The following AFF2 variants were observed in gnomAD, a reference collection of about 807,000 sequenced individuals.
AFF2 encodes AF4/FMR2 family member 2.
A neutral mutation model predicts 76.9 loss-of-function variants in AFF2; 14 were observed. That is an observed-to-expected ratio of 0.18 (90% CI 0.12 to 0.28). AFF2 has a LOEUF of 0.28. Among genes scored for constraint, AFF2 ranks in the 10% least tolerant of loss-of-function variants. The probability of loss-of-function intolerance (pLI) is 1.00; values close to 1 mark genes in which losing one functional copy is unlikely to be tolerated. For synonymous variants in AFF2, 398 were observed against 366.7 expected (o/e 1.09, Z -0.98); for missense variants, 868 against 1,001.1 (o/e 0.87, Z 1.79).
chrX:148,721,135 C>G (rs1259936850), intron 3 of AFF2, among the ~76,000 whole-genome samples: 1 of 112,019 alleles, frequency 8.9e-6, no homozygotes, highest in African/African-American at 3.2e-5. Context: ...GGGCAACTTT[C>G]TTTTGGGTGT....
At chrX:148,750,351 G>A (rs1225461881) in intron 3 of AFF2, among the ~76,000 whole-genome samples, 4 of 111,110 alleles carry the variant, frequency 3.6e-5, no homozygotes, top group Non-Finnish European at 5.7e-5. Context: ...TATTTTCTGG[G>A]GGGAATAGCA....
At chrX:148,816,705 T>C (rs2070268786) in intron 4 of AFF2, among the ~76,000 whole-genome samples, 1 of 110,558 alleles carries the variant, frequency 9.0e-6, no homozygotes, top group African/African-American at 3.3e-5. Context: ...AGGCACTTTG[T>C]TAGTGAGGCA....
intron 1 of AFF2, among the ~76,000 whole-genome samples, chrX:148,549,689 C>A (rs181541643): frequency 9.0e-5 from 10 of 111,683 alleles, no homozygotes; most frequent in Admixed American, 8.6e-4. Flanking sequence ...CAATCACAGA[C>A]TTCATTAGTG....
At chrX:148,963,369 C>A (rs1429957646) in intron 13 of AFF2, among the ~76,000 whole-genome samples, 1 of 111,729 alleles carries the variant, frequency 9.0e-6, no homozygotes, top group South Asian at 3.8e-4. Context: ...ATCTAGGAGA[C>A]TTTGTGGCAT....
At chrX:148,913,475 A>T (rs1404100278) in intron 9 of AFF2, among the ~76,000 whole-genome samples, 1 of 112,097 alleles carries the variant, frequency 8.9e-6, no homozygotes, top group Non-Finnish European at 1.9e-5. Flanking sequence ...AAAACTTCAA[A>T]CACGTTAGTT....
intron 3 of AFF2, among the ~76,000 whole-genome samples, chrX:148,705,700 A>G (rs1358821396): frequency 8.9e-6 from 1 of 112,168 alleles, no homozygotes; most frequent in East Asian, 2.8e-4. Context: ...GTCCCCATCA[A>G]CTGATGAAAA....
At chrX:148,859,567 A>G (rs1467316147) in intron 7 of AFF2, among the ~76,000 whole-genome samples, 1 of 110,801 alleles carries the variant, frequency 9.0e-6, no homozygotes, top group Non-Finnish European at 1.9e-5. Flanking sequence ...CCATGTTTCT[A>G]TAAACAAATG....
intron 4 of AFF2, among the ~76,000 whole-genome samples, chrX:148,834,359 C>T (rs1185099929): frequency 9.0e-6 from 1 of 111,246 alleles, no homozygotes; most frequent in Non-Finnish European, 1.9e-5. Flanking sequence ...GTATAAGTGA[C>T]CTCACCTCTT....
rs782524330 is a variant in AFF2 at position 148,526,571 on chromosome X, G to GTA, written c.47+25428_47+25429dup. 6.6e-4 allele frequency among the ~76,000 whole-genome samples: 73 copies of GTA among 109,913 alleles called. 1 individual carries two copies. Among genetic ancestry groups the GTA allele is most frequent in the Admixed American group, 3.2e-3 (33 of 10,206 alleles). On this transcript the variant is annotated intron_variant, in intron 1 of 20. Transcript: ENST00000370460. ...GCCTAATTTCCTTTATTGGAAAATG[G>GTA]TACTTATAGAACAAGATATAGAACA...
At chrX:148,979,582 A>T (rs938123081) in intron 18 of AFF2, among the ~76,000 whole-genome samples, 1 of 111,880 alleles carries the variant, frequency 8.9e-6, no homozygotes, top group Admixed American at 9.4e-5. Flanking sequence ...ATGGCCCAAG[A>T]ATTTGTATTG....
In AFF2 at chrX:148,999,225, G is replaced by A. The variant is rs1433999678; in HGVS notation, c.*7893G>A. The A allele has an allele frequency of 9.0e-6, 1 of 111,150 alleles. No individual in the cohort carries two copies. Among genetic ancestry groups the A allele is most frequent in the Non-Finnish European group, 1.9e-5 (1 of 53,063 alleles). 9.2% of individuals were successfully genotyped at this position (111,150 alleles called of 1,213,427 possible). A position where few individuals can be genotyped will look rare whatever the true frequency, so the allele number is the denominator to read the frequency against. On this transcript the variant is annotated 3_prime_UTR_variant, in exon 21 of 21. Transcript: ENST00000370460. Reference sequence around the variant, plus strand: ...GTGTCTTCTGCCTGGTCTATAGCGTGTGTGTTTGCTTTGTATCTAACAGGC... The same window carrying A: ...GTGTCTTCTGCCTGGTCTATAGCGTATGTGTTTGCTTTGTATCTAACAGGC...
intron 3 of AFF2, among the ~76,000 whole-genome samples, chrX:148,756,622 C>G: frequency 8.9e-6 from 1 of 112,329 alleles, no homozygotes. Context: ...ATGTCTAACT[C>G]ACATAAAAAC....
chrX:148,905,070 A>G (rs1406270453), intron 9 of AFF2, among the ~76,000 whole-genome samples: 1 of 112,266 alleles, frequency 8.9e-6, no homozygotes, highest in Non-Finnish European at 1.9e-5. Flanking sequence ...CTTCCTTTAT[A>G]GTTGGTACCA....
chrX:148,741,927 G>A lies in AFF2; in HGVS notation c.1042-67949G>A, dbSNP rs185177805. ...AAACAGACCTTCAGCTTTTCCTGTG[G>A]GAGTGTGTATTCAGGAGAGGAGGGT... On this transcript the variant is annotated intron_variant, in intron 3 of 20. Transcript: ENST00000370460. Among the ~76,000 whole-genome samples the A allele has an allele frequency of 6.3e-5, 7 of 111,985 alleles. 1 individual carries two copies. The highest frequency in any genetic ancestry group is 1.9e-4 in the African/African-American group (6 of 30,813).
chrX:148,723,318 C>A (rs1345611491), intron 3 of AFF2, among the ~76,000 whole-genome samples: 1 of 111,791 alleles, frequency 8.9e-6, no homozygotes, highest in Non-Finnish European at 1.9e-5. Context: ...CTACCACATA[C>A]AAACACTTTG....
chrX:148,531,187 C>G (rs1328651356), intron 1 of AFF2, among the ~76,000 whole-genome samples: 2 of 111,657 alleles, frequency 1.8e-5, no homozygotes, highest in African/African-American at 6.5e-5. Context: ...CTTCCCCATC[C>G]CCCATCTGAC....
intron 3 of AFF2, among the ~76,000 whole-genome samples, chrX:148,802,140 C>T (rs1317007080): frequency 1.8e-5 from 2 of 111,932 alleles, no homozygotes; most frequent in East Asian, 2.8e-4. Context: ...AGTGTGGCCT[C>T]CTGGCAAAAG....
At chrX:148,879,276 CTG>C (rs1373312620) in intron 7 of AFF2, among the ~76,000 whole-genome samples, 1 of 111,417 alleles carries the variant, frequency 9.0e-6, no homozygotes, top group Non-Finnish European at 1.9e-5. Flanking sequence ...GAAGAGAAAA[CTG>C]AGGTTCAGAG....
intron 7 of AFF2, among the ~76,000 whole-genome samples, chrX:148,883,969 A>G (rs1319243522): frequency 1.8e-5 from 1 of 57,118 alleles, no homozygotes. Context: ...CATTCCCTAG[A>G]TGTATTGAGA....
Sources: allele counts gnomAD v4.1 joint callset (sites outside exome capture counted in the v4.1 genomes callset), GRCh38; gene constraint gnomAD v4.1.1; transcripts MANE v1.5; gene names NCBI Gene and HGNC (gene_info 2026-07-23, HGNC 2026-07-21).